Variants in GUK1 observed in about 807,000 individuals in gnomAD.
The protein encoded by GUK1 is guanylate kinase 1, also known as guanylate kinase.
Under a neutral mutation model 25.2 loss-of-function variants are expected in GUK1, and 18 were observed. The ratio of observed to expected loss-of-function variants is 0.71; its 90% CI spans 0.49 to 1.06. The LOEUF (loss-of-function observed/expected upper bound fraction) is 1.06, where lower values mean the gene tolerates loss of function less well. Among genes scored for constraint, GUK1 ranks in the 50% least tolerant of loss-of-function variants. The pLI, the probability that GUK1 is intolerant of heterozygous loss-of-function variation, is 0.00. For missense variants in GUK1, 261 were observed against 276.7 expected (o/e 0.94, Z 0.40); for synonymous variants, 105 against 117.6 (o/e 0.89, Z 0.69).
At chr1:228,146,108 TG>T in intron 4 of GUK1, 41 bp downstream of exon 3, 1 of 1,407,116 alleles carries the variant, frequency 7.1e-7, no homozygotes, top group Non-Finnish European at 1.0e-6. Context: ...ACCCCCAGTG[TG>T]GGCAGGGCTG....
Position 228,141,282 on chromosome 1 carries a change from T to A in GUK1, c.-9T>A. ...GTGGCTCTGGAAGAGCCCGATTTCC[T>A]CAGGAGGTAAAGGAATGTTCCTGTC... On this transcript the variant is annotated 5_prime_UTR_variant, in exon 2 of 9. Transcript: ENST00000312726. 1.0e-6 allele frequency: 1 copy of A among 982,298 alleles called. No individual in the cohort carries two copies. Among genetic ancestry groups the A allele is most frequent in the Non-Finnish European group, 1.2e-6 (1 of 827,036 alleles). 60.8% of individuals were successfully genotyped at this position (982,298 alleles called of 1,614,324 possible).
In GUK1 at chr1:228,148,452, C is replaced by T. The variant is rs763170849; in HGVS notation, c.557C>T (p.Ser186Phe). 4 of 1,570,420 alleles carry T rather than the reference C, an allele frequency of 2.5e-6. No homozygotes were observed. In the Admixed American group the frequency reaches 7.4e-5, roughly 29 times the overall value. ...TACGCAGAGCTGAAGGAGGCGCTCT[C>T]TGAGGTGGGCCCATCCTTGTGCCTA... The change falls in exon 8 of 9, where the codon TCT becomes TTT. Residue 186 changes from serine to phenylalanine, a missense_variant. Ser to Phe is a radical substitution (Grantham distance 155). Transcript: ENST00000312726.
intron 1 of GUK1, among the ~76,000 whole-genome samples, chr1:228,140,663 G>A (rs372391763): frequency 9.2e-5 from 14 of 152,244 alleles, no homozygotes; most frequent in Admixed American, 1.3e-4. Flanking sequence ...CCCGACACCT[G>A]GGCGCGCCGC....
In GUK1 at chr1:228,141,230, G is replaced by A. The variant is rs1034133274; in HGVS notation, c.-61G>A. ...GACCCAAACATAGCCGCGCAGCATC[G>A]TGAAGGGCTGGGGCCTTCACTCCTC... On this transcript the variant is annotated 5_prime_UTR_variant, in exon 2 of 9. Coordinates refer to ENST00000312726, the MANE Select transcript of GUK1 (RefSeq NM_000858.7). 6 of 984,858 alleles carry A rather than the reference G, an allele frequency of 6.1e-6. No homozygotes were observed. Among genetic ancestry groups the A allele is most frequent in the Non-Finnish European group, 7.2e-6 (6 of 829,502 alleles). 61.0% of individuals were successfully genotyped at this position (984,858 alleles called of 1,614,324 possible).
chr1:228,143,843 C>G (rs1022859122), intron 2 of GUK1, among the ~76,000 whole-genome samples: 1 of 152,096 alleles, frequency 6.6e-6, no homozygotes, highest in African/African-American at 2.4e-5. Context: ...GAGATGAAAA[C>G]GATGTGTGCT....
chr1:228,142,289 C>T (rs902895872), intron 2 of GUK1, among the ~76,000 whole-genome samples: 2 of 152,254 alleles, frequency 1.3e-5, no homozygotes. Context: ...CCAGGAAGAG[C>T]GGAGTGTTGG....
In GUK1 at chr1:228,146,085, C is replaced by T. The variant is rs753005914; in HGVS notation, c.154+18C>T. On this transcript the variant is annotated intron_variant, in intron 4 of 8. Coordinates refer to ENST00000312726, the MANE Select transcript of GUK1 (RefSeq NM_000858.7). The stretch of plus-strand genomic sequence containing the variant: ...CGGCAAAGGTGAGTGGGGTGGGGCC[C>T]TATGGCTGGAGCACCCCCAGTGTGG... The T allele has an allele frequency of 2.1e-5, 34 of 1,585,538 alleles. No homozygotes were observed. The highest frequency in any genetic ancestry group is 2.8e-5 in the Non-Finnish European group (32 of 1,154,428).
chr1:228,141,579 C>G (rs1365747950), intron 2 of GUK1: 1 of 963,464 alleles, frequency 1.0e-6, no homozygotes, highest in East Asian at 1.1e-4. Flanking sequence ...CCTCTGTTAG[C>G]ATCTCCTCGA....
intron 1 of GUK1, 77 bp downstream of exon 1, chr1:228,140,440 T>C (rs2033978632): frequency 9.6e-7 from 1 of 1,038,308 alleles, no homozygotes; most frequent in Admixed American, 3.1e-5. Flanking sequence ...GGTCGCCCAG[T>C]CCACGCCGCC....
chr1:228,146,015 C>T lies in GUK1; in HGVS notation c.113-11C>T, dbSNP rs2034350241. The T allele has an allele frequency of 6.2e-7, 1 of 1,606,134 alleles. No individual in the cohort carries two copies. Among genetic ancestry groups the T allele is most frequent in the Admixed American group, 1.7e-5 (1 of 59,930 alleles). ...GAGCAGCCCCCGATGGGTGACAGGTCTCTCTGCTAGATACCACGAGGAACC... is the reference window on the plus strand; with the variant it reads ...GAGCAGCCCCCGATGGGTGACAGGTTTCTCTGCTAGATACCACGAGGAACC... On this transcript the variant is annotated splice_polypyrimidine_tract_variant and intron_variant, in intron 3 of 8. Transcript: ENST00000312726.
intron 2 of GUK1, among the ~76,000 whole-genome samples, chr1:228,144,141 C>T (rs1004713310): frequency 3.3e-5 from 5 of 151,958 alleles, no homozygotes; most frequent in Admixed American, 3.3e-4. Context: ...ATCCTGCATA[C>T]CTTTGTGCCT....
chr1:228,145,353 CAG>C lies in GUK1; in HGVS notation c.-2-157_-2-156del, dbSNP rs1349102701. The C allele has an allele frequency of 1.7e-5, 12 of 717,856 alleles. No homozygotes were observed. The South Asian group carries it at 2.2e-4, about 13-fold the overall frequency. The allele number at this position is 717,856 out of a possible 1,614,324, so 44.5% of individuals were successfully genotyped here. On this transcript the variant is annotated intron_variant, in intron 2 of 8. Transcript: ENST00000312726. ...CCGGCCCTTCCAACGTGGCAGAGCT[CAG>C]GGGGAAGAACACCCAGGCTCTCAGG...
At chr1:228,141,629 T>C in intron 2 of GUK1, 3 of 1,191,778 alleles carry the variant, frequency 2.5e-6, no homozygotes, top group Non-Finnish European at 3.2e-6. Context: ...TGTTCAGTCC[T>C]TAGGATGGCT....
chr1:228,144,010 G>A (rs1341008765), intron 2 of GUK1, among the ~76,000 whole-genome samples: 2 of 152,166 alleles, frequency 1.3e-5, no homozygotes, highest in Admixed American at 6.5e-5. Flanking sequence ...GTATGCGTGT[G>A]CATGTGTACC....
Position 228,141,682 on chromosome 1 carries a change from C to G in GUK1, c.-3+394C>G, listed in dbSNP as rs1458298768. ...GATTATGCCGCCACAGCAGGGAGTG[C>G]CTTTCCAGGAAAGCGGCTGCTGGGG... is the stretch of plus-strand genomic sequence containing the variant. On this transcript the variant is annotated intron_variant, in intron 2 of 8. Coordinates refer to ENST00000312726, the MANE Select transcript of GUK1 (RefSeq NM_000858.7). The G allele has an allele frequency of 3.9e-6, 5 of 1,275,558 alleles. No individual in the cohort carries two copies. In the South Asian group the frequency reaches 6.6e-5, roughly 17 times the overall value. The allele number at this position is 1,275,558 out of a possible 1,614,324, so 79.0% of individuals were successfully genotyped here. A position where few individuals can be genotyped will look rare whatever the true frequency, so the allele number is the denominator to read the frequency against.
At chr1:228,145,749 T>C in intron 3 of GUK1, 125 bp downstream of exon 2, 10 of 1,152,796 alleles carry the variant, frequency 8.7e-6, no homozygotes, top group Non-Finnish European at 1.2e-5. Context: ...TCCGAACTCT[T>C]GCACACTCCC....
At chr1:228,145,476 G>C in intron 2 of GUK1, 35 bp from the exon 2 acceptor site, 2 of 1,564,620 alleles carry the variant, frequency 1.3e-6, no homozygotes, top group Non-Finnish European at 1.7e-6. Context: ...ACTAGAGGCC[G>C]CACTGCTATC....
intron 2 of GUK1, among the ~76,000 whole-genome samples, chr1:228,142,702 C>T (rs992528618): frequency 6.6e-6 from 1 of 152,020 alleles, no homozygotes; most frequent in African/African-American, 2.4e-5. Flanking sequence ...AGGGGGAGAT[C>T]CCCAACCCAG....
rs554066960 is a variant in GUK1 at position 228,148,447 on chromosome 1, G to A, written c.552G>A (p.Ala184=). 1.7e-5 allele frequency: 27 copies of A among 1,571,248 alleles called. No individual in the cohort carries two copies. The East Asian group carries it at 2.7e-4, about 16-fold the overall frequency. Residue 184 remains alanine, a synonymous_variant, in exon 8 of 9, where the codon GCG becomes GCA. Transcript: ENST00000312726. The stretch of plus-strand genomic sequence containing the variant: ...AGGCCTACGCAGAGCTGAAGGAGGC[G>A]CTCTCTGAGGTGGGCCCATCCTTGT...
Sources: allele counts gnomAD v4.1 joint callset (sites outside exome capture counted in the v4.1 genomes callset), GRCh38; gene constraint gnomAD v4.1.1; transcripts MANE v1.5; gene names NCBI Gene and HGNC (gene_info 2026-07-23, HGNC 2026-07-21).